RBL1: variants seen among roughly 807,000 people sequenced by gnomAD.
The protein encoded by RBL1 is RB transcriptional corepressor like 1.
Under a neutral mutation model 123.0 loss-of-function variants are expected in RBL1, and 82 were observed. The ratio of observed to expected loss-of-function variants is 0.67; its 90% CI spans 0.56 to 0.80. The LOEUF (loss-of-function observed/expected upper bound fraction) is 0.80, where lower values mean the gene tolerates loss of function less well. Among genes scored for constraint, RBL1 ranks in the 30% least tolerant of loss-of-function variants. The probability of loss-of-function intolerance (pLI) is 0.00; values close to 1 mark genes in which losing one functional copy is unlikely to be tolerated. For missense variants in RBL1, 1,171 were observed against 1,299.6 expected, an observed-to-expected ratio of 0.90 and a Z score of 1.52; for synonymous variants, 405 against 441.3, an observed-to-expected ratio of 0.92 and a Z score of 1.03.
intron 16 of RBL1, among the ~76,000 whole-genome samples, chr20:37,023,957 T>G (rs2064383534): frequency 6.6e-6 from 1 of 151,218 alleles, no homozygotes; most frequent in Non-Finnish European, 1.5e-5. Flanking sequence ...TTTTTTTTTT[T>G]GTATTTGAGT....
chr20:37,081,117 T>C (rs914493636), intron 2 of RBL1, among the ~76,000 whole-genome samples: 1 of 152,208 alleles, frequency 6.6e-6, no homozygotes, highest in Non-Finnish European at 1.5e-5. Context: ...GGAATTGCTT[T>C]GATCAAAGGG....
chr20:37,091,864 G>T (rs1250600339), intron 1 of RBL1, among the ~76,000 whole-genome samples: 2 of 152,150 alleles, frequency 1.3e-5, no homozygotes, highest in Non-Finnish European at 2.9e-5. Flanking sequence ...CTACCCTGAA[G>T]GAATGAGAAG....
chr20:37,092,144 G>A (rs1442854731), intron 1 of RBL1, among the ~76,000 whole-genome samples: 2 of 152,090 alleles, frequency 1.3e-5, no homozygotes, highest in Non-Finnish European at 2.9e-5. Context: ...TCTGGAGGCT[G>A]AGATGGGAGA....
At chr20:37,022,573 C>T (rs1721602550) in intron 17 of RBL1, 77 bp downstream of exon 17, 3 of 1,342,584 alleles carry the variant, frequency 2.2e-6, no homozygotes, top group Non-Finnish European at 3.0e-6. Context: ...GCTATCTGCT[C>T]ACCTTGACCT....
intron 19 of RBL1, among the ~76,000 whole-genome samples, chr20:37,010,191 C>T (rs932919037): frequency 2.6e-5 from 4 of 151,700 alleles, no homozygotes; most frequent in South Asian, 4.2e-4. Flanking sequence ...GACCCCATCT[C>T]GGTCTCCCAA....
chr20:37,034,763 AT>A (rs1435920623), intron 15 of RBL1, among the ~76,000 whole-genome samples: 3 of 151,996 alleles, frequency 2.0e-5, no homozygotes, highest in Non-Finnish European at 4.4e-5. Flanking sequence ...AAATTTAAAA[AT>A]AAAAAAAAAA....
At chr20:37,060,109 T>G (rs1169657903) in intron 9 of RBL1, among the ~76,000 whole-genome samples, 1 of 151,664 alleles carries the variant, frequency 6.6e-6, no homozygotes, top group Non-Finnish European at 1.5e-5. Flanking sequence ...GAGGTGGAGG[T>G]TGCAGTGAGC....
Position 37,032,541 on chromosome 20 carries a change from G to A in RBL1, c.2382+124C>T, listed in dbSNP as rs146280804. ...ACCATTGAACTGTACACTTAAAAAT[G>A]GTTAAAATGGTAAATTTTGTGTTAT... On this transcript the variant is annotated intron_variant, in intron 16 of 21. Coordinates refer to ENST00000373664, the MANE Select transcript of RBL1 (RefSeq NM_002895.5). The A allele has an allele frequency of 1.1e-4, 159 of 1,431,100 alleles. 3 individuals carry two copies. The East Asian group carries it at 3.7e-3, about 34-fold the overall frequency. 88.7% of individuals were successfully genotyped at this position (1,431,100 alleles called of 1,614,324 possible). A position where few individuals can be genotyped will look rare whatever the true frequency, so the allele number is the denominator to read the frequency against.
rs1382082885 is a variant in RBL1, at chr20:37,095,115, G to A, written c.156+658C>T. 3.9e-5 allele frequency among the ~76,000 whole-genome samples: 6 copies of A among 152,366 alleles called. No individual in the cohort carries two copies. In the East Asian group the frequency reaches 1.2e-3, roughly 29 times the overall value. ...TTATAACTGACATTTGTTTTATTCA[G>A]AGCCAGACACTGATGCAAAGCATCA... On this transcript the variant is annotated intron_variant, in intron 1 of 21. Coordinates refer to ENST00000373664, the MANE Select transcript of RBL1 (RefSeq NM_002895.5).
At chr20:37,092,482 C>T (rs1438769720) in intron 1 of RBL1, among the ~76,000 whole-genome samples, 1 of 152,118 alleles carries the variant, frequency 6.6e-6, no homozygotes, top group Non-Finnish European at 1.5e-5. Context: ...AATCCCCCCA[C>T]CTTAGCCTCT....
chr20:37,050,300 T>C (rs767132657), intron 11 of RBL1, among the ~76,000 whole-genome samples: 2 of 151,478 alleles, frequency 1.3e-5, no homozygotes, highest in Non-Finnish European at 2.9e-5. Context: ...TCCCAGCACT[T>C]TGGGAGGCCG....
intron 2 of RBL1, among the ~76,000 whole-genome samples, chr20:37,070,232 G>A (rs1454575739): frequency 2.0e-5 from 3 of 152,268 alleles, no homozygotes; most frequent in East Asian, 1.9e-4. Context: ...GATTAAGGGC[G>A]GTGCAAGATG....
chr20:37,007,782 G>A (rs1228809767), intron 19 of RBL1, among the ~76,000 whole-genome samples: 2 of 151,970 alleles, frequency 1.3e-5, no homozygotes, highest in African/African-American at 2.4e-5. Context: ...GTAGAGACGG[G>A]GTTTTGCCAT....
chr20:37,067,548 C>T (rs1439763352), intron 3 of RBL1, among the ~76,000 whole-genome samples: 1 of 151,720 alleles, frequency 6.6e-6, no homozygotes, highest in African/African-American at 2.4e-5. Context: ...GTGGGTAGAT[C>T]ACCTGAGGTT....
intron 2 of RBL1, among the ~76,000 whole-genome samples, chr20:37,087,416 T>C (rs1049952941): frequency 6.6e-6 from 1 of 151,860 alleles, no homozygotes; most frequent in African/African-American, 2.4e-5. Context: ...AGACCCTGTC[T>C]CTATAAAAAG....
intron 1 of RBL1, among the ~76,000 whole-genome samples, chr20:37,093,565 G>A (rs2065681496): frequency 6.6e-6 from 1 of 152,012 alleles, no homozygotes; most frequent in African/African-American, 2.4e-5. Context: ...CTTGAGCACA[G>A]AAGTTTGAGT....
At position 37,005,388 on chromosome 20, in the gene RBL1, C is replaced by CA. The variant is rs1305717969; in HGVS notation, c.2872-1523dup. 2.6e-4 allele frequency among the ~76,000 whole-genome samples: 37 copies of CA among 144,590 alleles called. No individual in the cohort carries two copies. The Admixed American group carries it at 2.6e-3, about 10-fold the overall frequency. The allele number at this position is 144,590 out of a possible 152,430, so 94.9% of individuals were successfully genotyped here. A position where few individuals can be genotyped will look rare whatever the true frequency, so the allele number is the denominator to read the frequency against. ...GCCACTTGCACTCCAGCCTGGGCAA[C>CA]AGAGCGAGACTCCTTCTCAAAAAAA... On this transcript the variant is annotated intron_variant, in intron 20 of 21. Transcript: ENST00000373664.
At position 37,065,428 on chromosome 20, in the gene RBL1, T is replaced by C; in HGVS notation, c.892A>G (p.Asn298Asp). The C allele has an allele frequency of 6.3e-7, 1 of 1,583,204 alleles. No individual in the cohort carries two copies. Among genetic ancestry groups the C allele is most frequent in the Non-Finnish European group, 8.6e-7 (1 of 1,159,764 alleles). Reference protein sequence around the residue: ...CLLDLSSFTDNSKAVNKEYEE... With the variant: ...CLLDLSSFTDDSKAVNKEYEE... ...CCATTAGTACTAGATATTTACCTAT[T>C]ATCAGTAAAACTTGAAAGGTCCAGG... Residue 298 changes from asparagine to aspartate, a missense_variant, in exon 7 of 22, where the codon AAT (asparagine) becomes GAT (aspartate). Coordinates refer to ENST00000373664, the MANE Select transcript of RBL1 (RefSeq NM_002895.5).
chr20:37,020,770 A>T, intron 17 of RBL1, 40 bp from the exon 18 acceptor site: 1 of 1,361,118 alleles, frequency 7.3e-7, no homozygotes, highest in African/African-American at 1.5e-5. Flanking sequence ...CTGCTTTTTG[A>T]AAGAAAAATG....
Sources: gnomAD v4.1 joint callset for allele counts (sites outside exome capture counted in the v4.1 genomes callset) on GRCh38, gnomAD v4.1.1 for gene constraint, MANE v1.5 for transcripts, NCBI Gene and HGNC (gene_info 2026-07-23, HGNC 2026-07-21) for gene names.